The following KLHDC2 variants were observed in gnomAD, a reference collection of about 807,000 sequenced individuals.
KLHDC2 encodes kelch domain-containing protein 2.
In KLHDC2, 38 loss-of-function variants were observed where a neutral mutation model predicts 62.3. The ratio of observed to expected loss-of-function variants is 0.61; its 90% CI spans 0.47 to 0.80. The LOEUF (loss-of-function observed/expected upper bound fraction) is 0.80, where lower values mean the gene tolerates loss of function less well. Among genes scored for constraint, KLHDC2 ranks in the 30% least tolerant of loss-of-function variants. KLHDC2 has a pLI of 0.00. For missense variants in KLHDC2, 430 were observed against 495.3 expected (o/e 0.87, Z 1.25); for synonymous variants, 159 against 161.0 (o/e 0.99, Z 0.09).
rs1889588117 is a variant in KLHDC2, at chr14:49,768,400, C to T, written c.-69C>T. 2 of 1,538,438 alleles carry T rather than the reference C, an allele frequency of 1.3e-6. No homozygotes were observed. Among genetic ancestry groups the T allele is most frequent in the African/African-American group, 2.8e-5 (2 of 71,678 alleles). ...GCCTCGCGCCGCTGTGCATTTCTCT[C>T]CTTTTCCTTTGTTTTTTTGGCCCCT... On this transcript the variant is annotated 5_prime_UTR_variant, in exon 1 of 13. Transcript: ENST00000298307.
chr14:49,785,361 G>A lies in KLHDC2; in HGVS notation c.*2408G>A, dbSNP rs756443560. On this transcript the variant is annotated 3_prime_UTR_variant, in exon 13 of 13. Coordinates refer to ENST00000298307, the MANE Select transcript of KLHDC2 (RefSeq NM_014315.3). ...AACAGTTACAAAGGCAATTTATACC[G>A]CCCTTTACAAAAAATGCTAAAACAC... The A allele has an allele frequency of 1.6e-5, 22 of 1,378,146 alleles. No individual in the cohort carries two copies. In the Admixed American group the frequency reaches 2.0e-4, roughly 13 times the overall value. The allele number at this position is 1,378,146 out of a possible 1,614,324, so 85.4% of individuals were successfully genotyped here. A position where few individuals can be genotyped will look rare whatever the true frequency, so the allele number is the denominator to read the frequency against.
In KLHDC2 at chr14:49,768,205, C is replaced by A; in HGVS notation, c.-264C>A. ...GACGCGGACCGCTTCCCTGCAGTGCCCCGAGTCCCGGGCCCGCGCCGCCGC... is the reference window on the plus strand; with the variant it reads ...GACGCGGACCGCTTCCCTGCAGTGCACCGAGTCCCGGGCCCGCGCCGCCGC... On this transcript the variant is annotated 5_prime_UTR_variant, in exon 1 of 13. Transcript: ENST00000298307. 3.1e-6 allele frequency: 1 copy of A among 325,924 alleles called. No homozygotes were observed. Among genetic ancestry groups the A allele is most frequent in the South Asian group, 8.3e-5 (1 of 12,100 alleles). 20.2% of individuals were successfully genotyped at this position (325,924 alleles called of 1,614,324 possible).
chr14:49,783,245 T>C lies in KLHDC2; in HGVS notation c.*292T>C. ...TCAGGATATGTATCTGTAGAAACAT[T>C]ATAGTCTTACCATCATCAAAATGCT... On this transcript the variant is annotated 3_prime_UTR_variant, in exon 13 of 13. Transcript: ENST00000298307. The C allele has an allele frequency of 4.4e-6, 1 of 228,482 alleles. No individual in the cohort carries two copies. Among genetic ancestry groups the C allele is most frequent in the Non-Finnish European group, 8.4e-6 (1 of 118,936 alleles). 14.2% of individuals were successfully genotyped at this position (228,482 alleles called of 1,614,324 possible).
chr14:49,779,843 G>C, intron 8 of KLHDC2, 37 bp downstream of exon 8: 1 of 1,488,106 alleles, frequency 6.7e-7, no homozygotes, highest in Non-Finnish European at 9.4e-7. Flanking sequence ...CCAAAATTCA[G>C]ATTGTTTTTA....
chr14:49,774,611 G>A lies in KLHDC2; in HGVS notation c.284G>A (p.Cys95Tyr). 6.2e-7 allele frequency: 1 copy of A among 1,614,064 alleles called. No individual in the cohort carries two copies. The highest frequency in any genetic ancestry group is 8.5e-7 in the Non-Finnish European group (1 of 1,179,922). Residue 95 changes from cysteine (C) to tyrosine (Y), a missense_variant, in exon 3 of 13, where the codon TGT (cysteine) becomes TAT (tyrosine). Cys to Tyr is a radical substitution (Grantham distance 194). Coordinates refer to ENST00000298307, the MANE Select transcript of KLHDC2 (RefSeq NM_014315.3). The part of the protein sequence containing the change: ...GDVPPSMSGS[C>Y]AVCVDRVLYL... Reference sequence around the variant, plus strand: ...GTTCCTCCTTCTATGTCAGGAAGCTGTGCTGTGTGTGTAGACAGGGTGCTG... The same window carrying A: ...GTTCCTCCTTCTATGTCAGGAAGCTATGCTGTGTGTGTAGACAGGGTGCTG...
In KLHDC2 at chr14:49,782,468, T is replaced by C; in HGVS notation, c.1044+11T>C. The C allele has an allele frequency of 2.5e-6, 4 of 1,603,094 alleles. No individual in the cohort carries two copies. Among genetic ancestry groups the C allele is most frequent in the Non-Finnish European group, 2.6e-6 (3 of 1,171,886 alleles). On this transcript the variant is annotated intron_variant, in intron 11 of 12. Transcript: ENST00000298307. Reference sequence around the variant, plus strand: ...GTCCATCACAGAGCTGTAAGTATACTACCTTCACATTATTACTGAAACTTA... The same window carrying C: ...GTCCATCACAGAGCTGTAAGTATACCACCTTCACATTATTACTGAAACTTA...
In KLHDC2 at chr14:49,782,879, T is replaced by A. The variant is rs570989300; in HGVS notation, c.1147T>A (p.Trp383Arg). Residue 383 changes from tryptophan to arginine, a missense_variant, in exon 13 of 13, where the codon TGG becomes AGG. Physicochemically the swap from Trp to Arg is moderately radical, Grantham distance 101 (BLOSUM62 -3). Transcript: ENST00000298307. ...CTTTAAAGAAATGTTAGCCAACTCA[T>A]GGAACTGCCTTCCAAAACACTTACT... ...ICFKEMLANS[W>R]NCLPKHLLHS... is the part of the protein sequence containing the mutation. The A allele has an allele frequency of 6.2e-7, 1 of 1,613,910 alleles. No homozygotes were observed. The highest frequency in any genetic ancestry group is 1.1e-5 in the South Asian group (1 of 91,070).
chr14:49,778,004 C>A, intron 4 of KLHDC2, 50 bp downstream of exon 4: 1 of 1,153,336 alleles, frequency 8.7e-7, no homozygotes, highest in Non-Finnish European at 1.3e-6. Context: ...AAGTGGTTTA[C>A]CATTCAGGTA....
Position 49,784,560 on chromosome 14 carries a change from C to T in KLHDC2, c.*1607C>T. On this transcript the variant is annotated 3_prime_UTR_variant, in exon 13 of 13. Coordinates refer to ENST00000298307, the MANE Select transcript of KLHDC2 (RefSeq NM_014315.3). ...TTTTTATAATGCGGAAATCCTGATA[C>T]ATGGTGCTTTCATCTTTGAACTTCC... 1 of 961,078 alleles carries T rather than the reference C, an allele frequency of 1.0e-6. No homozygotes were observed. Among genetic ancestry groups the T allele is most frequent in the South Asian group, 1.4e-5 (1 of 69,260 alleles). The allele number at this position is 961,078 out of a possible 1,614,324, so 59.5% of individuals were successfully genotyped here.
In KLHDC2 at chr14:49,771,702, A is replaced by C. The variant is rs187653503; in HGVS notation, c.233+29A>C. 234 of 1,156,112 alleles carry C rather than the reference A, an allele frequency of 2.0e-4. No homozygotes were observed. In the African/African-American group the frequency reaches 3.1e-3, roughly 15 times the overall value. 71.6% of individuals were successfully genotyped at this position (1,156,112 alleles called of 1,614,324 possible). A position where few individuals can be genotyped will look rare whatever the true frequency, so the allele number is the denominator to read the frequency against. Reference sequence around the variant, plus strand: ...AATGTGGATATTATAAGGGGGACTAAAAAATTCAGATAAGGGCTGGGCACG... The same window carrying C: ...AATGTGGATATTATAAGGGGGACTACAAAATTCAGATAAGGGCTGGGCACG... On this transcript the variant is annotated intron_variant, in intron 2 of 12. Transcript: ENST00000298307.
chr14:49,770,936 G>A (rs1039293393), intron 1 of KLHDC2, among the ~76,000 whole-genome samples: 1 of 152,256 alleles, frequency 6.6e-6, no homozygotes, highest in Non-Finnish European at 1.5e-5. Flanking sequence ...TCGTGTTAGC[G>A]TGGATCAGGC....
chr14:49,779,967 C>T (rs1889853932), intron 8 of KLHDC2, 161 bp downstream of exon 8: 1 of 639,084 alleles, frequency 1.6e-6, no homozygotes, highest in Admixed American at 2.9e-5. Context: ...TTTTGTGTTT[C>T]CAGTTCCTGT....
At chr14:49,782,778 A>T in intron 12 of KLHDC2, 52 bp from the exon 13 acceptor site, 1 of 1,576,806 alleles carries the variant, frequency 6.3e-7, no homozygotes, top group Non-Finnish European at 8.6e-7. Context: ...AAGTGAATGT[A>T]CTTCCAAACA....
At position 49,782,383 on chromosome 14, in the gene KLHDC2, G is replaced by C. The variant is rs967079042; in HGVS notation, c.970G>C (p.Ala324Pro). Residue 324 changes from alanine (A) to proline (P), a missense_variant, in exon 11 of 13, where the codon GCT becomes CCT. Coordinates refer to ENST00000298307, the MANE Select transcript of KLHDC2 (RefSeq NM_014315.3). ...YTEKPRLWHT[A>P]CASDEGEVIV... ...TTTTAAATGCAGGTTATGGCACACA[G>C]CTTGTGCCAGCGATGAAGGAGAAGT... 1 of 1,611,742 alleles carries C rather than the reference G, an allele frequency of 6.2e-7. No homozygotes were observed. Among genetic ancestry groups the C allele is most frequent in the Admixed American group, 1.7e-5 (1 of 59,792 alleles).
chr14:49,771,141 G>C lies in KLHDC2; in HGVS notation c.154-453G>C, dbSNP rs924682542. On this transcript the variant is annotated intron_variant, in intron 1 of 12. Coordinates refer to ENST00000298307, the MANE Select transcript of KLHDC2 (RefSeq NM_014315.3). ...AGGTGGGTGGATTGCTTGAGGTTGG[G>C]AGTTTGAGACCAGCCTGGCCAACAT... Among the ~76,000 whole-genome samples, 5 of 152,090 alleles carry C rather than the reference G, an allele frequency of 3.3e-5. No individual in the cohort carries two copies. The South Asian group carries it at 8.3e-4, about 25-fold the overall frequency.
rs1890001911 is a variant in KLHDC2 at position 49,783,315 on chromosome 14, G to C, written c.*362G>C. On this transcript the variant is annotated 3_prime_UTR_variant, in exon 13 of 13. Coordinates refer to ENST00000298307, the MANE Select transcript of KLHDC2 (RefSeq NM_014315.3). ...ATTATAGATTTTTTTTTTTTTAATGGCAAGAGTAGTCTATAGTTATGTAAC... is the reference window on the plus strand; with the variant it reads ...ATTATAGATTTTTTTTTTTTTAATGCCAAGAGTAGTCTATAGTTATGTAAC... 2 of 156,000 alleles carry C rather than the reference G, an allele frequency of 1.3e-5. No individual in the cohort carries two copies. Among genetic ancestry groups the C allele is most frequent in the Admixed American group, 6.5e-5 (1 of 15,310 alleles). The allele number at this position is 156,000 out of a possible 1,614,324, so 9.7% of individuals were successfully genotyped here. A position where few individuals can be genotyped will look rare whatever the true frequency, so the allele number is the denominator to read the frequency against.
At position 49,784,086 on chromosome 14, in the gene KLHDC2, G is replaced by C. The variant is rs1377385909; in HGVS notation, c.*1133G>C. The C allele has an allele frequency of 1.3e-5, 2 of 150,916 alleles. No individual in the cohort carries two copies. Among genetic ancestry groups the C allele is most frequent in the African/African-American group, 4.9e-5 (2 of 41,002 alleles). The allele number at this position is 150,916 out of a possible 1,614,324, so 9.3% of individuals were successfully genotyped here. On this transcript the variant is annotated 3_prime_UTR_variant, in exon 13 of 13. Transcript: ENST00000298307. ...TTGGTATTAACCTCCCAAATTTCAA[G>C]AAAATGTAGAATAACTACAGATGTA...
chr14:49,779,040 G>A (rs372000971), intron 6 of KLHDC2, among the ~76,000 whole-genome samples: 97 of 152,220 alleles, frequency 6.4e-4, no homozygotes, highest in East Asian at 3.1e-3. Context: ...TACACTTTAC[G>A]TGGTAGAAGT....
intron 1 of KLHDC2, among the ~76,000 whole-genome samples, chr14:49,770,144 G>A (rs1889632172): frequency 6.6e-6 from 1 of 152,184 alleles, no homozygotes; most frequent in Non-Finnish European, 1.5e-5. Flanking sequence ...GATTCTTAGT[G>A]TGGAATATTT....
Sources: gnomAD v4.1 joint callset for allele counts (sites outside exome capture counted in the v4.1 genomes callset) on GRCh38, gnomAD v4.1.1 for gene constraint, MANE v1.5 for transcripts, NCBI Gene and HGNC (gene_info 2026-07-23, HGNC 2026-07-21) for gene names.